Variants in VAT1L observed in about 807,000 individuals in gnomAD.
The protein encoded by VAT1L is vesicle amine transport 1 like, also known as putative NADPH-dependent quinone oxidoreductase VAT1L.
Under a neutral mutation model 44.1 loss-of-function variants are expected in VAT1L, and 34 were observed. That is an observed-to-expected ratio of 0.77 (90% CI 0.59 to 1.03). VAT1L has a LOEUF of 1.03. Among genes scored for constraint, VAT1L ranks in the 50% least tolerant of loss-of-function variants. VAT1L has a pLI of 0.00. For missense variants in VAT1L, 615 were observed against 538.8 expected (o/e 1.14, Z -1.40); for synonymous variants, 253 against 202.2 (o/e 1.25, Z -2.13).
chr16:77,933,537 C>T (rs72796728), intron 7 of VAT1L, among the ~76,000 whole-genome samples: 1,940 of 152,046 alleles, frequency 0.013, 18 homozygotes, highest in Middle Eastern at 0.051. Context: ...ATAATTTCAA[C>T]AATGGAAAAA....
chr16:77,937,206 C>G (rs2017810706), intron 7 of VAT1L, among the ~76,000 whole-genome samples: 2 of 152,302 alleles, frequency 1.3e-5, no homozygotes, highest in South Asian at 2.1e-4. Flanking sequence ...GAGAGCCCAC[C>G]TGGGAGTAGC....
chr16:77,808,265 TG>T (rs989552720), intron 1 of VAT1L, among the ~76,000 whole-genome samples: 23 of 152,230 alleles, frequency 1.5e-4, no homozygotes, highest in Non-Finnish European at 2.2e-4. Context: ...GTACTTCTTA[TG>T]AAAATCTAAT....
intron 7 of VAT1L, among the ~76,000 whole-genome samples, chr16:77,934,756 T>C (rs1015068860): frequency 2.0e-5 from 3 of 152,170 alleles, no homozygotes; most frequent in African/African-American, 4.8e-5. Context: ...AGGTTTACTG[T>C]TCAATCTTAA....
intron 7 of VAT1L, among the ~76,000 whole-genome samples, chr16:77,964,630 C>T (rs1046341010): frequency 6.6e-6 from 1 of 152,132 alleles, no homozygotes. Flanking sequence ...AACATATCCT[C>T]AGGTTCTGGA....
At chr16:77,973,837 C>T (rs1410560069) in intron 8 of VAT1L, among the ~76,000 whole-genome samples, 1 of 151,924 alleles carries the variant, frequency 6.6e-6, no homozygotes, top group African/African-American at 2.4e-5. Flanking sequence ...GCCACTCTAC[C>T]GCCTCAGCCT....
At position 77,812,402 on chromosome 16, in the gene VAT1L, G is replaced by C. The variant is rs954285201; in HGVS notation, c.234-4519G>C. Among the ~76,000 whole-genome samples the C allele has an allele frequency of 3.9e-5, 6 of 152,076 alleles. No individual in the cohort carries two copies. In the East Asian group the frequency reaches 1.2e-3, roughly 29 times the overall value. ...CCGAATCTTAAAACTCTTGATTTTAGTAACATTTGATTTACTTGAGATTTC... is the reference window on the plus strand; with the variant it reads ...CCGAATCTTAAAACTCTTGATTTTACTAACATTTGATTTACTTGAGATTTC... On this transcript the variant is annotated intron_variant, in intron 1 of 8. Coordinates refer to ENST00000302536, the MANE Select transcript of VAT1L (RefSeq NM_020927.3).
At chr16:77,943,638 A>G (rs1459530749) in intron 7 of VAT1L, among the ~76,000 whole-genome samples, 1 of 151,450 alleles carries the variant, frequency 6.6e-6, no homozygotes, top group Non-Finnish European at 1.5e-5. Flanking sequence ...TCCTGACCTC[A>G]TGATCCGCCT....
chr16:77,799,762 C>T (rs1389093596), intron 1 of VAT1L, among the ~76,000 whole-genome samples: 1 of 152,080 alleles, frequency 6.6e-6, no homozygotes, highest in Non-Finnish European at 1.5e-5. Flanking sequence ...GTGATTGTAC[C>T]TTTCTTACCA....
Position 77,828,074 on chromosome 16 carries a change from G to A in VAT1L, c.579+2613G>A, listed in dbSNP as rs1245725154. Among the ~76,000 whole-genome samples the A allele has an allele frequency of 2.0e-5, 3 of 152,268 alleles. No individual in the cohort carries two copies. The East Asian group carries it at 5.8e-4, about 29-fold the overall frequency. ...AAACGAGATTTGATAGGTGGTGTGT[G>A]GCAATTAAAGGTTACCATTAGAGAA... On this transcript the variant is annotated intron_variant, in intron 3 of 8. Transcript: ENST00000302536.
At position 77,926,202 on chromosome 16, in the gene VAT1L, G is replaced by A. The variant is rs544368278; in HGVS notation, c.1077+41400G>A. ...CGGGAGGCGGAGCTTGCAGTGAGCC[G>A]AGATCGCACCACTGCACTCCAGTCT... On this transcript the variant is annotated intron_variant, in intron 7 of 8. Transcript: ENST00000302536. Among the ~76,000 whole-genome samples, 8 of 148,720 alleles carry A rather than the reference G, an allele frequency of 5.4e-5. No homozygotes were observed. The East Asian group carries it at 6.0e-4, about 11-fold the overall frequency.
intron 1 of VAT1L, among the ~76,000 whole-genome samples, chr16:77,816,609 G>C (rs1340663766): frequency 6.6e-6 from 1 of 152,150 alleles, no homozygotes; most frequent in African/African-American, 2.4e-5. Flanking sequence ...TTTAGAGTAA[G>C]CATAAACAGG....
intron 7 of VAT1L, among the ~76,000 whole-genome samples, chr16:77,936,865 T>C (rs985919093): frequency 2.8e-5 from 3 of 106,574 alleles, no homozygotes; most frequent in African/African-American, 9.9e-5. Context: ...AGGGTTTGTT[T>C]GGTTTCTTGT....
intron 7 of VAT1L, among the ~76,000 whole-genome samples, chr16:77,964,251 A>T (rs1463551366): frequency 6.6e-6 from 1 of 152,154 alleles, no homozygotes; most frequent in Non-Finnish European, 1.5e-5. Context: ...GCTGCTGTTC[A>T]AATGACCACA....
At chr16:77,913,658 G>A (rs773722589) in intron 7 of VAT1L, among the ~76,000 whole-genome samples, 1 of 152,114 alleles carries the variant, frequency 6.6e-6, no homozygotes, top group South Asian at 2.1e-4. Context: ...TCCACTCTGG[G>A]ACATGTTGGC....
intron 3 of VAT1L, among the ~76,000 whole-genome samples, chr16:77,832,951 A>G (rs973248356): frequency 1.3e-5 from 2 of 152,234 alleles, no homozygotes; most frequent in African/African-American, 4.8e-5. Context: ...AGACAAAACC[A>G]TCTACAGCAT....
chr16:77,856,787 G>C (rs550330898), intron 3 of VAT1L, among the ~76,000 whole-genome samples: 33 of 152,128 alleles, frequency 2.2e-4, no homozygotes, highest in Admixed American at 9.2e-4. Context: ...GCAAAGACCC[G>C]AAGTTGTCTC....
At chr16:77,951,172 C>T (rs2018037968) in intron 7 of VAT1L, among the ~76,000 whole-genome samples, 1 of 152,238 alleles carries the variant, frequency 6.6e-6, no homozygotes, top group Admixed American at 6.5e-5. Context: ...GTATGCAACT[C>T]CACAAAGCTC....
chr16:77,958,387 G>C (rs750189339), intron 7 of VAT1L, among the ~76,000 whole-genome samples: 2 of 152,028 alleles, frequency 1.3e-5, no homozygotes, highest in Admixed American at 6.5e-5. Context: ...ATATTTTCCC[G>C]CAGGTCTTTC....
At chr16:77,906,500 C>T (rs1432496844) in intron 7 of VAT1L, among the ~76,000 whole-genome samples, 1 of 152,162 alleles carries the variant, frequency 6.6e-6, no homozygotes, top group African/African-American at 2.4e-5. Context: ...GACTTATGTG[C>T]AGGAACTTAT....
Sources: gnomAD v4.1 joint callset for allele counts (sites outside exome capture counted in the v4.1 genomes callset) on GRCh38, gnomAD v4.1.1 for gene constraint, MANE v1.5 for transcripts, NCBI Gene and HGNC (gene_info 2026-07-23, HGNC 2026-07-21) for gene names.